The following PLCL1 variants were observed in gnomAD, a reference collection of about 807,000 sequenced individuals.
PLCL1 encodes the protein inactive phospholipase C-like protein 1.
A neutral mutation model predicts 84.4 loss-of-function variants in PLCL1; 41 were observed. The observed-to-expected ratio is 0.49, with a 90% CI of 0.38 to 0.63. PLCL1 has a LOEUF of 0.63. Among genes scored for constraint, PLCL1 ranks in the 30% least tolerant of loss-of-function variants. The probability of loss-of-function intolerance (pLI) is 0.00; values close to 1 mark genes in which losing one functional copy is unlikely to be tolerated. For missense variants in PLCL1, 1,206 were observed against 1,367.8 expected, an observed-to-expected ratio of 0.88 and a Z score of 1.87; for synonymous variants, 490 against 488.3, an observed-to-expected ratio of 1.00 and a Z score of -0.05.
At chr2:198,122,817 G>A (rs1693898766) in intron 5 of PLCL1, among the ~76,000 whole-genome samples, 1 of 152,046 alleles carries the variant, frequency 6.6e-6, no homozygotes, top group African/African-American at 2.4e-5. Context: ...TATAAAATAT[G>A]TATTCTCTCT....
intron 1 of PLCL1, among the ~76,000 whole-genome samples, chr2:197,863,693 A>T (rs556061191): frequency 2.0e-5 from 3 of 152,206 alleles, no homozygotes; most frequent in Non-Finnish European, 4.4e-5. Context: ...TCAATAGTCC[A>T]AACTAGGACA....
At chr2:197,848,441 C>T (rs1476498492) in intron 1 of PLCL1, among the ~76,000 whole-genome samples, 1 of 152,108 alleles carries the variant, frequency 6.6e-6, no homozygotes, top group Non-Finnish European at 1.5e-5. Flanking sequence ...TTTTCATAGG[C>T]TTCCTATTCT....
intron 1 of PLCL1, among the ~76,000 whole-genome samples, chr2:197,885,423 A>AG (rs762060946): frequency 2.9e-4 from 44 of 152,244 alleles, no homozygotes; most frequent in Non-Finnish European, 5.4e-4. Context: ...GAAACAGAGA[A>AG]GGGGGGACAA....
intron 1 of PLCL1, among the ~76,000 whole-genome samples, chr2:197,878,655 G>A (rs1041157762): frequency 1.3e-5 from 2 of 152,116 alleles, no homozygotes; most frequent in Non-Finnish European, 2.9e-5. Context: ...GTGTGTGTGT[G>A]TATACAAAGT....
chr2:197,969,992 A>C (rs1689827950), intron 1 of PLCL1, among the ~76,000 whole-genome samples: 1 of 152,212 alleles, frequency 6.6e-6, no homozygotes, highest in Non-Finnish European at 1.5e-5. Flanking sequence ...TTATTCTGAC[A>C]AATGCACTGG....
intron 5 of PLCL1, among the ~76,000 whole-genome samples, chr2:198,140,341 T>C (rs1366736548): frequency 2.0e-5 from 3 of 152,196 alleles, no homozygotes. Flanking sequence ...ACTTCACTTA[T>C]ATGTAGAATT....
intron 1 of PLCL1, among the ~76,000 whole-genome samples, chr2:197,843,232 A>G (rs1316009326): frequency 6.6e-6 from 1 of 152,224 alleles, no homozygotes; most frequent in East Asian, 1.9e-4. Context: ...AATGACCATC[A>G]TGGGTATGGA....
At chr2:197,888,533 G>A (rs1687961061) in intron 1 of PLCL1, among the ~76,000 whole-genome samples, 1 of 152,150 alleles carries the variant, frequency 6.6e-6, no homozygotes, top group Non-Finnish European at 1.5e-5. Flanking sequence ...ATCACTTAAT[G>A]TCAGGAGACC....
intron 3 of PLCL1, among the ~76,000 whole-genome samples, chr2:198,100,472 G>C (rs1197216490): frequency 6.6e-6 from 1 of 152,064 alleles, no homozygotes; most frequent in South Asian, 2.1e-4. Flanking sequence ...GCTTAAGAAA[G>C]TTTCCCTAAT....
intron 1 of PLCL1, among the ~76,000 whole-genome samples, chr2:198,056,583 C>G (rs1051278709): frequency 1.3e-5 from 2 of 152,184 alleles, no homozygotes; most frequent in African/African-American, 4.8e-5. Context: ...GAAACCACCA[C>G]GAAGACCTGT....
intron 1 of PLCL1, among the ~76,000 whole-genome samples, chr2:197,988,870 T>C (rs941083621): frequency 1.3e-5 from 2 of 152,226 alleles, no homozygotes; most frequent in Non-Finnish European, 2.9e-5. Flanking sequence ...TTTCACCATA[T>C]TGACACCAAC....
intron 1 of PLCL1, among the ~76,000 whole-genome samples, chr2:198,079,868 T>C (rs1692667168): frequency 6.6e-6 from 1 of 152,202 alleles, no homozygotes; most frequent in South Asian, 2.1e-4. Flanking sequence ...AACTACAATA[T>C]GAGGTTAAGC....
At chr2:198,071,026 T>G (rs1270105499) in intron 1 of PLCL1, 1 of 936,876 alleles carries the variant, frequency 1.1e-6, no homozygotes, top group East Asian at 1.2e-4. Flanking sequence ...AGACTTGTCA[T>G]AGGTAAATGG....
At chr2:198,059,872 G>A (rs563964656) in intron 1 of PLCL1, among the ~76,000 whole-genome samples, 124 of 152,276 alleles carry the variant, frequency 8.1e-4, no homozygotes, top group Non-Finnish European at 1.4e-3. Flanking sequence ...CGGGGACAGA[G>A]GGGCTTTGCG....
At chr2:198,098,899 A>G (rs1320794869) in intron 3 of PLCL1, among the ~76,000 whole-genome samples, 1 of 152,094 alleles carries the variant, frequency 6.6e-6, no homozygotes, top group East Asian at 1.9e-4. Flanking sequence ...ACATAATTTT[A>G]CTCTTAAAGG....
At chr2:197,984,390 G>A (rs1349677953) in intron 1 of PLCL1, among the ~76,000 whole-genome samples, 5 of 151,748 alleles carry the variant, frequency 3.3e-5, no homozygotes, top group African/African-American at 1.2e-4. Context: ...TTGATATGTG[G>A]AACAAAATCT....
chr2:197,990,027 A>T (rs910717115), intron 1 of PLCL1, among the ~76,000 whole-genome samples: 1 of 152,166 alleles, frequency 6.6e-6, no homozygotes, highest in African/African-American at 2.4e-5. Flanking sequence ...ATGTTATTTA[A>T]TTTTCAGTTC....
rs563072891 is a variant in PLCL1, at chr2:198,108,947, G to C, written c.3105+5011G>C. 7.9e-5 allele frequency among the ~76,000 whole-genome samples: 12 copies of C among 151,692 alleles called. 1 individual carries two copies. Among genetic ancestry groups the C allele is most frequent in the Non-Finnish European group, 1.6e-4 (11 of 67,840 alleles). ...TTACATAGCCATTGTGTTTATTTAGGATGATAGGATGATTCAGTCCTCACT... is the reference window on the plus strand; with the variant it reads ...TTACATAGCCATTGTGTTTATTTAGCATGATAGGATGATTCAGTCCTCACT... On this transcript the variant is annotated intron_variant, in intron 5 of 5. Coordinates refer to ENST00000428675, the MANE Select transcript of PLCL1 (RefSeq NM_006226.4).
At position 198,030,709 on chromosome 2, in the gene PLCL1, T is replaced by C. The variant is rs188181345; in HGVS notation, c.241-53049T>C. ...TGAATGTATTGTTATTCTGCTTTGC[T>C]AATGAGAAAACTGCAGCATAGAGAG... On this transcript the variant is annotated intron_variant, in intron 1 of 5. Coordinates refer to ENST00000428675, the MANE Select transcript of PLCL1 (RefSeq NM_006226.4). 4.5e-3 allele frequency among the ~76,000 whole-genome samples: 683 copies of C among 152,334 alleles called. 5 individuals carry two copies. Among genetic ancestry groups the C allele is most frequent in the African/African-American group, 0.016 (653 of 41,588 alleles).
Sources: gnomAD v4.1 joint callset for allele counts (sites outside exome capture counted in the v4.1 genomes callset) on GRCh38, gnomAD v4.1.1 for gene constraint, MANE v1.5 for transcripts, NCBI Gene and HGNC (gene_info 2026-07-23, HGNC 2026-07-21) for gene names.